TMEM255B: variants seen among roughly 807,000 people sequenced by gnomAD.
The protein encoded by TMEM255B is transmembrane protein 255B.
A neutral mutation model predicts 34.5 loss-of-function variants in TMEM255B; 35 were observed. That is an observed-to-expected ratio of 1.01 (90% CI 0.77 to 1.34). The LOEUF (loss-of-function observed/expected upper bound fraction) is 1.34. Ranked by LOEUF, TMEM255B falls within the 40% of genes most tolerant of loss-of-function variation. TMEM255B has a pLI of 0.00. For synonymous variants in TMEM255B, 206 were observed against 201.2 expected (o/e 1.02, Z -0.20); for missense variants, 432 against 433.2 (o/e 1.00, Z 0.02).
chr13:113,800,732 G>A, intron 5 of TMEM255B, 95 bp from the exon 6 acceptor site: 1 of 1,216,942 alleles, frequency 8.2e-7, no homozygotes, highest in Non-Finnish European at 1.2e-6. Flanking sequence ...GGCCTCAGTG[G>A]CCGCTCCCAG....
chr13:113,768,955 G>T (rs1396497695), intron 2 of TMEM255B, 143 bp from the exon 3 acceptor site: 1 of 839,914 alleles, frequency 1.2e-6, no homozygotes, highest in Admixed American at 2.0e-5. Flanking sequence ...CTGCTCAGTG[G>T]TTGAGGTTCT....
intron 3 of TMEM255B, among the ~76,000 whole-genome samples, chr13:113,794,699 C>T (rs950796223): frequency 3.7e-4 from 57 of 152,318 alleles, no homozygotes; most frequent in African/African-American, 1.3e-3. Flanking sequence ...GGTTAACTAA[C>T]GCACTATAAA....
intron 1 of TMEM255B, among the ~76,000 whole-genome samples, chr13:113,760,353 A>G (rs564541418): frequency 3.9e-5 from 6 of 152,134 alleles, no homozygotes; most frequent in Non-Finnish European, 7.4e-5. Context: ...TAATAATGAT[A>G]ACTATTATTA....
At chr13:113,799,284 C>T (rs2050997644) in intron 4 of TMEM255B, 55 bp from the exon 5 acceptor site, 1 of 1,579,268 alleles carries the variant, frequency 6.3e-7, no homozygotes, top group Non-Finnish European at 8.7e-7. Context: ...TGCCTCTGGC[C>T]TCTCCCGCCT....
intron 6 of TMEM255B, among the ~76,000 whole-genome samples, 155 bp downstream of exon 6, chr13:113,801,067 T>C (rs1384962114): frequency 1.3e-5 from 2 of 151,862 alleles, no homozygotes; most frequent in East Asian, 3.9e-4. Flanking sequence ...CGTATGTGCC[T>C]GCAGGGGTGA....
In TMEM255B at chr13:113,769,052, A is replaced by G; in HGVS notation, c.190-46A>G. ...CTTTAAATGTCAGTGTTAAGCTTCT[A>G]GGCACGTTAATGAGTGTTTCTCTCT... On this transcript the variant is annotated intron_variant, in intron 2 of 8. Coordinates refer to ENST00000375353, the MANE Select transcript of TMEM255B (RefSeq NM_182614.4). The surrounding 1 kb of genome is among the most constrained non-coding windows in gnomAD (Gnocchi z 4.2). 5 of 1,603,058 alleles carry G rather than the reference A, an allele frequency of 3.1e-6. No individual in the cohort carries two copies. The highest frequency in any genetic ancestry group is 3.4e-6 in the Non-Finnish European group (4 of 1,170,010).
intron 3 of TMEM255B, among the ~76,000 whole-genome samples, chr13:113,791,039 G>T (rs1271674556): frequency 6.6e-6 from 1 of 152,244 alleles, no homozygotes; most frequent in Non-Finnish European, 1.5e-5. Flanking sequence ...GTGATGGAAG[G>T]TAGACCCTGC....
intron 3 of TMEM255B, among the ~76,000 whole-genome samples, chr13:113,775,853 C>G (rs2050568038): frequency 6.6e-6 from 1 of 152,236 alleles, no homozygotes; most frequent in African/African-American, 2.4e-5. Context: ...GGGGGTGTTT[C>G]TCAGGCCGGT....
intron 3 of TMEM255B, among the ~76,000 whole-genome samples, chr13:113,783,297 C>T (rs1055652502): frequency 6.6e-6 from 1 of 152,122 alleles, no homozygotes; most frequent in Non-Finnish European, 1.5e-5. Flanking sequence ...TTGCCTGAAG[C>T]CAGTGTCTCC....
intron 3 of TMEM255B, among the ~76,000 whole-genome samples, chr13:113,784,270 G>A (rs549514637): frequency 2.0e-5 from 3 of 152,234 alleles, no homozygotes; most frequent in African/African-American, 4.8e-5. Flanking sequence ...CAGAGACCCA[G>A]ATTCCTGTTT....
chr13:113,786,548 ATCG>A (rs1357728750), intron 3 of TMEM255B, among the ~76,000 whole-genome samples: 5 of 151,642 alleles, frequency 3.3e-5, no homozygotes, highest in African/African-American at 1.2e-4. Flanking sequence ...CATTGTCACC[ATCG>A]TCAACATCAT....
chr13:113,786,654 CCCTCATCACCATCATCACTGTCAT>C (rs2050750880), intron 3 of TMEM255B, among the ~76,000 whole-genome samples: 1 of 54,596 alleles, frequency 1.8e-5, no homozygotes, highest in South Asian at 9.9e-4. Flanking sequence ...ACTGTCGTTA[CCCTCATCACCATCATCACTGTCAT>C]CACCATCACC....
At chr13:113,791,961 G>T (rs531185360) in intron 3 of TMEM255B, among the ~76,000 whole-genome samples, 1 of 152,158 alleles carries the variant, frequency 6.6e-6, no homozygotes, top group African/African-American at 2.4e-5. Context: ...GATCCAGGCC[G>T]GCACCCACGA....
chr13:113,776,082 C>T lies in TMEM255B; in HGVS notation c.252+6922C>T, dbSNP rs572862410. Among the ~76,000 whole-genome samples the T allele has an allele frequency of 7.4e-4, 112 of 152,328 alleles. 1 individual carries two copies. The highest frequency in any genetic ancestry group is 2.6e-3 in the African/African-American group (110 of 41,574). ...CCACACCTCCTCCATGCAAACGCCT[C>T]AGGCCACACCTGCAGGGGATGGGGT... On this transcript the variant is annotated intron_variant, in intron 3 of 8. Coordinates refer to ENST00000375353, the MANE Select transcript of TMEM255B (RefSeq NM_182614.4).
In TMEM255B at chr13:113,800,798, T is replaced by C. The variant is rs372861793; in HGVS notation, c.424-29T>C. 2.1e-4 allele frequency: 330 copies of C among 1,584,332 alleles called. 1 individual carries two copies. The African/African-American group carries it at 4.1e-3, about 20-fold the overall frequency. Reference sequence around the variant, plus strand: ...GTGGGTGAGGTGGTGGGCACCGGCATGTGACCTGACAAGGCCTCTCTGCCC... The same window carrying C: ...GTGGGTGAGGTGGTGGGCACCGGCACGTGACCTGACAAGGCCTCTCTGCCC... On this transcript the variant is annotated intron_variant, in intron 5 of 8. Coordinates refer to ENST00000375353, the MANE Select transcript of TMEM255B (RefSeq NM_182614.4).
At chr13:113,772,986 A>G (rs1035524687) in intron 3 of TMEM255B, among the ~76,000 whole-genome samples, 2 of 152,232 alleles carry the variant, frequency 1.3e-5, no homozygotes, top group Admixed American at 6.5e-5. Flanking sequence ...AGCTCAGTGT[A>G]GGGAGTGTTA....
At chr13:113,778,230 A>T (rs2050610963) in intron 3 of TMEM255B, among the ~76,000 whole-genome samples, 2 of 152,120 alleles carry the variant, frequency 1.3e-5, no homozygotes, top group South Asian at 4.1e-4. Flanking sequence ...AGGGGTGGAG[A>T]TGTGAGGGAG....
rs1326598482 is a variant in TMEM255B at position 113,796,402 on chromosome 13, C to G, written c.342+1165C>G. Among the ~76,000 whole-genome samples, 191 of 123,724 alleles carry G rather than the reference C, an allele frequency of 1.5e-3. 1 individual carries two copies. Among genetic ancestry groups the G allele is most frequent in the Non-Finnish European group, 2.0e-3 (115 of 58,016 alleles). 81.2% of individuals were successfully genotyped at this position (123,724 alleles called of 152,430 possible). On this transcript the variant is annotated intron_variant, in intron 4 of 8. Transcript: ENST00000375353. Reference sequence around the variant, plus strand: ...ACCTCACACCACACAGAGCACACACCTCACACACCACACAGAGCACACACC... The same window carrying G: ...ACCTCACACCACACAGAGCACACACGTCACACACCACACAGAGCACACACC...
chr13:113,797,346 A>G (rs753794056), intron 4 of TMEM255B, among the ~76,000 whole-genome samples: 2 of 152,232 alleles, frequency 1.3e-5, no homozygotes, highest in East Asian at 1.9e-4. Flanking sequence ...AAGAAGACAG[A>G]TGGTGAATTA....
Sources: gnomAD v4.1 joint callset for allele counts (sites outside exome capture counted in the v4.1 genomes callset) on GRCh38, gnomAD v4.1.1 for gene constraint, Gnocchi (gnomAD v3.1) non-coding constraint, MANE v1.5 for transcripts, NCBI Gene and HGNC (gene_info 2026-07-23, HGNC 2026-07-21) for gene names.